The following VWA8 variants were observed in gnomAD, a reference collection of about 807,000 sequenced individuals.
VWA8 encodes the protein von Willebrand factor A domain-containing protein 8.
In VWA8, 221 loss-of-function variants were observed where a neutral mutation model predicts 241.5. The ratio of observed to expected loss-of-function variants is 0.91; its 90% CI spans 0.82 to 1.02. VWA8 has a LOEUF of 1.02. Ranked by LOEUF, VWA8 falls within the 50% of genes least tolerant of loss-of-function variation. VWA8 has a pLI of 0.00. For missense variants in VWA8, 2,322 were observed against 2,328.7 expected (o/e 1.00, Z 0.06); for synonymous variants, 852 against 827.1 (o/e 1.03, Z -0.52).
In VWA8 at chr13:41,950,029, A is replaced by T. The variant is rs761929435; in HGVS notation, c.164-16T>A. 5 of 1,459,122 alleles carry T rather than the reference A, an allele frequency of 3.4e-6. No homozygotes were observed. In the South Asian group the frequency reaches 6.3e-5, roughly 18 times the overall value. The allele number at this position is 1,459,122 out of a possible 1,614,324, so 90.4% of individuals were successfully genotyped here. A position where few individuals can be genotyped will look rare whatever the true frequency, so the allele number is the denominator to read the frequency against. ...ACTGTATCACCTAAAAAGAGATTTT[A>T]AAAACAGAATAATTATAAGAGACAA... On this transcript the variant is annotated splice_polypyrimidine_tract_variant and intron_variant, in intron 1 of 44. Transcript: ENST00000379310.
At chr13:41,957,312 G>T (rs769371468) in intron 1 of VWA8, among the ~76,000 whole-genome samples, 2 of 152,122 alleles carry the variant, frequency 1.3e-5, no homozygotes, top group African/African-American at 4.8e-5. Context: ...CTTACTTGCC[G>T]CTATGTAAGA....
chr13:41,920,725 CAAGACT>C (rs1310444517), intron 2 of VWA8, among the ~76,000 whole-genome samples: 1 of 152,130 alleles, frequency 6.6e-6, no homozygotes, highest in Non-Finnish European at 1.5e-5. Flanking sequence ...TACACCCTCC[CAAGACT>C]AAACCAGGAA....
At chr13:41,678,633 G>A (rs983731774) in intron 35 of VWA8, among the ~76,000 whole-genome samples, 1 of 152,208 alleles carries the variant, frequency 6.6e-6, no homozygotes, top group African/African-American at 2.4e-5. Context: ...ACTGCCATCA[G>A]CACTTTTAGA....
chr13:41,581,057 T>C (rs1203212755), intron 42 of VWA8, among the ~76,000 whole-genome samples: 1 of 78,940 alleles, frequency 1.3e-5, no homozygotes, highest in Non-Finnish European at 2.1e-5. Flanking sequence ...TGGAGTGCAG[T>C]GGCGCAATCT....
intron 26 of VWA8, among the ~76,000 whole-genome samples, chr13:41,717,498 G>A (rs1218287142): frequency 6.6e-6 from 1 of 151,878 alleles, no homozygotes; most frequent in Admixed American, 6.6e-5. Context: ...AGGTAGACAG[G>A]TGAACATATG....
chr13:41,757,298 T>TA (rs1437173553), intron 21 of VWA8, among the ~76,000 whole-genome samples: 2 of 151,794 alleles, frequency 1.3e-5, no homozygotes, highest in South Asian at 4.1e-4. Flanking sequence ...GACAAATACT[T>TA]AAAAATTTTT....
intron 2 of VWA8, among the ~76,000 whole-genome samples, chr13:41,930,422 G>A (rs1467931464): frequency 2.0e-5 from 3 of 152,164 alleles, no homozygotes; most frequent in Non-Finnish European, 4.4e-5. Flanking sequence ...CTCCATGTTC[G>A]TTGAAGCACT....
At chr13:41,691,974 GT>G in intron 30 of VWA8, 36 bp from the exon 31 acceptor site, 1 of 1,416,898 alleles carries the variant, frequency 7.1e-7, no homozygotes, top group Non-Finnish European at 1.0e-6. Flanking sequence ...CATATTAAAT[GT>G]GTCAGATACA....
chr13:41,921,277 G>A (rs534570583), intron 2 of VWA8, among the ~76,000 whole-genome samples: 7 of 152,244 alleles, frequency 4.6e-5, no homozygotes, highest in African/African-American at 1.7e-4. Context: ...AGGTATTGAT[G>A]GGATGTATCT....
chr13:41,959,540 A>G (rs1878507991), intron 1 of VWA8, among the ~76,000 whole-genome samples: 1 of 147,136 alleles, frequency 6.8e-6, no homozygotes, highest in South Asian at 2.2e-4. Flanking sequence ...TTGCAACACT[A>G]TGGTGGGGGA....
In VWA8 at chr13:41,567,131, CTTATT is replaced by C. The variant is rs1029901042; in HGVS notation, c.*1061_*1065del. 6.6e-6 allele frequency: 1 copy of C among 152,016 alleles called. No homozygotes were observed. The highest frequency in any genetic ancestry group is 2.4e-5 in the African/African-American group (1 of 41,394). 9.4% of individuals were successfully genotyped at this position (152,016 alleles called of 1,614,324 possible). A position where few individuals can be genotyped will look rare whatever the true frequency, so the allele number is the denominator to read the frequency against. ...GAGAGAATGACTTTTGCTGAAGCAT[CTTATT>C]TTAAACAAAGTAATATTGAGCTTAT... On this transcript the variant is annotated 3_prime_UTR_variant, in exon 45 of 45. Transcript: ENST00000379310.
chr13:41,698,149 G>T (rs889653140), intron 29 of VWA8, among the ~76,000 whole-genome samples: 49 of 151,652 alleles, frequency 3.2e-4, no homozygotes, highest in African/African-American at 9.9e-4. Flanking sequence ...TATTTATTTT[G>T]CTTATTGTCT....
chr13:41,746,015 T>C (rs574747115), intron 21 of VWA8, among the ~76,000 whole-genome samples: 1 of 152,208 alleles, frequency 6.6e-6, no homozygotes, highest in Admixed American at 6.5e-5. Flanking sequence ...AGTGATCGAC[T>C]TGAGGAAGAG....
intron 17 of VWA8, among the ~76,000 whole-genome samples, chr13:41,794,572 T>C (rs1869603767): frequency 6.6e-6 from 1 of 152,228 alleles, no homozygotes; most frequent in Admixed American, 6.5e-5. Context: ...GATCATGTCA[T>C]CTGTAAACAA....
chr13:41,626,630 C>G (rs1395237466), intron 37 of VWA8, among the ~76,000 whole-genome samples: 2 of 152,154 alleles, frequency 1.3e-5, no homozygotes, highest in Non-Finnish European at 1.5e-5. Flanking sequence ...CTACAACCAT[C>G]TGATATTTGA....
At chr13:41,622,730 A>G (rs989147385) in intron 37 of VWA8, among the ~76,000 whole-genome samples, 3 of 152,246 alleles carry the variant, frequency 2.0e-5, no homozygotes, top group Admixed American at 2.0e-4. Flanking sequence ...GGGAAGGGAC[A>G]TGACTCACTG....
intron 4 of VWA8, among the ~76,000 whole-genome samples, chr13:41,905,748 G>GTAC (rs967403136): frequency 6.6e-5 from 10 of 151,978 alleles, no homozygotes; most frequent in Admixed American, 3.9e-4. Flanking sequence ...TTTAGTAAGA[G>GTAC]TACTACATTG....
intron 2 of VWA8, among the ~76,000 whole-genome samples, chr13:41,918,443 G>A (rs1876360121): frequency 6.6e-6 from 1 of 152,014 alleles, no homozygotes; most frequent in Non-Finnish European, 1.5e-5. Context: ...TTGTGTAAGG[G>A]TACAAAAATA....
intron 12 of VWA8, among the ~76,000 whole-genome samples, chr13:41,859,792 C>T (rs1872926009): frequency 6.6e-6 from 1 of 152,128 alleles, no homozygotes; most frequent in Admixed American, 6.6e-5. Context: ...CCTTTTACTT[C>T]ATATGAAATG....
Sources: allele counts gnomAD v4.1 joint callset (sites outside exome capture counted in the v4.1 genomes callset), GRCh38; gene constraint gnomAD v4.1.1; transcripts MANE v1.5; gene names NCBI Gene and HGNC (gene_info 2026-07-23, HGNC 2026-07-21).